Variants in TJP2 observed in about 807,000 individuals in gnomAD.
TJP2 encodes the protein Friedreich ataxia region gene X104 (tight junction protein ZO-2).
TJP2 carries 91 observed loss-of-function variants against 133.1 expected under a neutral mutation model. The ratio of observed to expected loss-of-function variants is 0.68; its 90% CI spans 0.58 to 0.81. The LOEUF is 0.81. Among genes scored for constraint, TJP2 ranks in the 40% least tolerant of loss-of-function variants. The pLI is 0.00. For missense variants in TJP2, 1,541 were observed against 1,565.6 expected (o/e 0.98, Z 0.26); for synonymous variants, 592 against 583.4 (o/e 1.01, Z -0.21).
At chr9:69,207,401 C>T (rs1827518055) in intron 1 of TJP2, among the ~76,000 whole-genome samples, 1 of 152,142 alleles carries the variant, frequency 6.6e-6, no homozygotes, top group Admixed American at 6.5e-5. Flanking sequence ...TGTTCGTCTT[C>T]ATTGCAGTAA....
chr9:69,151,740 G>C, exon 2 of TJP2: 1 of 1,232,156 alleles, frequency 8.1e-7, no homozygotes, highest in Non-Finnish European at 1.0e-6. Context: ...AGGAAGCACA[G>C]AGCTGTACCA....
chr9:69,187,050 T>C (rs1260819359), intron 1 of TJP2, among the ~76,000 whole-genome samples: 3 of 152,226 alleles, frequency 2.0e-5, no homozygotes, highest in Non-Finnish European at 2.9e-5. Flanking sequence ...ATCATGTTTG[T>C]GATGTACTTT....
At chr9:69,182,438 A>G (rs1439716070) in intron 1 of TJP2, among the ~76,000 whole-genome samples, 1 of 152,224 alleles carries the variant, frequency 6.6e-6, no homozygotes, top group Admixed American at 6.5e-5. Context: ...ATTGAAAGGA[A>G]GAGGCCCCAA....
intron 17 of TJP2, among the ~76,000 whole-genome samples, chr9:69,242,188 G>A (rs751603699): frequency 4.3e-4 from 66 of 152,300 alleles, no homozygotes; most frequent in Admixed American, 6.5e-4. Context: ...ACCTGAGTCC[G>A]CATCATTTGC....
chr9:69,251,960 C>T (rs1831367433), intron 21 of TJP2, among the ~76,000 whole-genome samples: 1 of 152,026 alleles, frequency 6.6e-6, no homozygotes, highest in Non-Finnish European at 1.5e-5. Context: ...ATAAAATTTA[C>T]CATTTCAACC....
At chr9:69,193,245 A>T (rs1826326528) in intron 1 of TJP2, among the ~76,000 whole-genome samples, 1 of 151,812 alleles carries the variant, frequency 6.6e-6, no homozygotes, top group Non-Finnish European at 1.5e-5. Context: ...TCTATTTCTA[A>T]TTTCATCTAA....
rs548193084 is a variant in TJP2 at position 69,254,452 on chromosome 9, C to A, written c.*78C>A. ...CTCCTGCCAGGCCGCCGGGATGGTT[C>A]TTCTCCAGTTAGAATGCACCATGGA... On this transcript the variant is annotated 3_prime_UTR_variant, in exon 23 of 23. Transcript: ENST00000377245. The A allele has an allele frequency of 1.1e-5, 18 of 1,583,270 alleles. No homozygotes were observed. Among genetic ancestry groups the A allele is most frequent in the Non-Finnish European group, 1.6e-5 (18 of 1,157,944 alleles).
At position 69,252,763 on chromosome 9, in the gene TJP2, G is replaced by GC. The variant is rs1831428871; in HGVS notation, c.3322-49dup. 4.5e-6 allele frequency: 7 copies of GC among 1,545,546 alleles called. No homozygotes were observed. The South Asian group carries it at 7.8e-5, about 17-fold the overall frequency. On this transcript the variant is annotated intron_variant, in intron 21 of 22. Coordinates refer to ENST00000377245, the MANE Select transcript of TJP2 (RefSeq NM_004817.4). ...CCAGCAGGAAACCAGCAAGCAGAGT[G>GC]CCCAGTGGTTCATTCTTTCACTCTT...
At chr9:69,148,072 G>A (rs1377689407) in intron 1 of TJP2, among the ~76,000 whole-genome samples, 1 of 151,710 alleles carries the variant, frequency 6.6e-6, no homozygotes, top group Non-Finnish European at 1.5e-5. Flanking sequence ...TTACAGGCAT[G>A]CGCCACCACG....
rs150634730 is a variant in TJP2 at position 69,211,058 on chromosome 9, C to T, written c.61-1490C>T. On this transcript the variant is annotated intron_variant, in intron 1 of 22. Coordinates refer to ENST00000377245, the MANE Select transcript of TJP2 (RefSeq NM_004817.4). Reference sequence around the variant, plus strand: ...TTTCTTAAAACATAAACACATAGTCCGGGTGGCTTGGTGGCTCATGCCTGT... The same window carrying T: ...TTTCTTAAAACATAAACACATAGTCTGGGTGGCTTGGTGGCTCATGCCTGT... Among the ~76,000 whole-genome samples the T allele has an allele frequency of 9.4e-3, 1,436 of 152,216 alleles. 31 individuals carry two copies. The highest frequency in any genetic ancestry group is 0.032 in the African/African-American group (1,325 of 41,532).
intron 5 of TJP2, among the ~76,000 whole-genome samples, chr9:69,221,843 C>A (rs1357411475): frequency 2.0e-5 from 3 of 149,062 alleles, no homozygotes; most frequent in Non-Finnish European, 4.4e-5. Context: ...TGAGCCACCA[C>A]GCCTGGCCAG....
chr9:69,215,390 G>GT (rs547985228), intron 2 of TJP2, among the ~76,000 whole-genome samples: 61,213 of 149,332 alleles, frequency 0.41, 12,704 homozygotes, highest in East Asian at 0.61. Context: ...GAAAGTTGTG[G>GT]TTTTTTTTTT....
upstream of TJP2, chr9:69,174,019 G>A: frequency 3.9e-6 from 4 of 1,027,048 alleles, no homozygotes; most frequent in Non-Finnish European, 4.7e-6. Context: ...TCCTGCCGCC[G>A]CCGCCGCCTC....
chr9:69,167,724 C>T (rs1285792727), intron 2 of TJP2, among the ~76,000 whole-genome samples: 3 of 151,910 alleles, frequency 2.0e-5, no homozygotes, highest in Non-Finnish European at 2.9e-5. Flanking sequence ...AAAAATTAGC[C>T]GGGCATGGTG....
rs1478619766 is a variant in TJP2 at position 69,249,366 on chromosome 9, G to A, written c.2881-9G>A. 3 of 1,602,492 alleles carry A rather than the reference G, an allele frequency of 1.9e-6. No homozygotes were observed. The highest frequency in any genetic ancestry group is 1.7e-5 in the Admixed American group (1 of 58,802). Reference sequence around the variant, plus strand: ...GTTCTTGTTGTGAATGAACCTTTATGTCTTGTAGAGCATAAGGAAACCCAG... The same window carrying A: ...GTTCTTGTTGTGAATGAACCTTTATATCTTGTAGAGCATAAGGAAACCCAG... On this transcript the variant is annotated splice_polypyrimidine_tract_variant and intron_variant, in intron 19 of 22. Coordinates refer to ENST00000377245, the MANE Select transcript of TJP2 (RefSeq NM_004817.4).
intron 1 of TJP2, among the ~76,000 whole-genome samples, chr9:69,148,593 C>T: frequency 6.6e-6 from 1 of 151,962 alleles, no homozygotes; most frequent in East Asian, 1.9e-4. Context: ...TAGTCTCGAA[C>T]TCCTGACCCC....
rs57728054 is a variant in TJP2 at position 69,251,203 on chromosome 9, A to G, written c.3160A>G (p.Thr1054Ala). 7.0e-5 allele frequency: 113 copies of G among 1,613,968 alleles called. 1 individual carries two copies. In the East Asian group the frequency reaches 2.4e-3, roughly 34 times the overall value. The change falls in exon 21 of 23, where the codon ACT (threonine) becomes GCT (alanine). Residue 1054 changes from threonine (T) to alanine (A), a missense_variant. By Grantham distance (58) the Thr-to-Ala change is moderately conservative. Transcript: ENST00000377245. ...TFGRSILKPSTPIPPQEGEEV... is the reference protein window; with the variant it reads ...TFGRSILKPSAPIPPQEGEEV... Reference sequence around the variant, plus strand: ...TGGGCGGTCTATACTGAAGCCCTCCACTCCCATCCCTCCTCAAGAGGGTGA... The same window carrying G: ...TGGGCGGTCTATACTGAAGCCCTCCGCTCCCATCCCTCCTCAAGAGGGTGA...
chr9:69,208,246 T>G (rs1827589401), intron 1 of TJP2, among the ~76,000 whole-genome samples: 1 of 152,220 alleles, frequency 6.6e-6, no homozygotes, highest in South Asian at 2.1e-4. Context: ...TCTTTATCAC[T>G]TGGCTTAGCA....
chr9:69,146,567 A>C (rs1379013408), intron 1 of TJP2, among the ~76,000 whole-genome samples: 2 of 152,218 alleles, frequency 1.3e-5, no homozygotes, highest in Non-Finnish European at 2.9e-5. Flanking sequence ...AGCAATGTAC[A>C]TTCATTATAG....
Sources: gnomAD v4.1 joint callset for allele counts (sites outside exome capture counted in the v4.1 genomes callset) on GRCh38, gnomAD v4.1.1 for gene constraint, MANE v1.5 for transcripts, NCBI Gene and HGNC (gene_info 2026-07-23, HGNC 2026-07-21) for gene names.